Variants in DLG1 observed in about 807,000 individuals in gnomAD.
The protein encoded by DLG1 is discs large MAGUK scaffold protein 1, also known as disks large homolog 1.
In DLG1, 42 loss-of-function variants were observed where a neutral mutation model predicts 123.4. The observed-to-expected ratio is 0.34, with a 90% CI of 0.27 to 0.44. DLG1 has a LOEUF of 0.44. DLG1 is among the 20% of genes least tolerant of loss of function. The pLI, the probability that DLG1 is intolerant of heterozygous loss-of-function variation, is 1.00. For synonymous variants in DLG1, 317 were observed against 356.2 expected, an observed-to-expected ratio of 0.89 and a Z score of 1.24; for missense variants, 942 against 1,082.6, an observed-to-expected ratio of 0.87 and a Z score of 1.82.
chr3:197,247,892 G>C (rs1191510533), intron 4 of DLG1, among the ~76,000 whole-genome samples: 1 of 152,028 alleles, frequency 6.6e-6, no homozygotes, highest in East Asian at 1.9e-4. Context: ...CCACTTACTG[G>C]AGGTCCCTTG....
intron 5 of DLG1, among the ~76,000 whole-genome samples, chr3:197,191,710 C>T (rs1419445499): frequency 6.6e-6 from 1 of 152,136 alleles, no homozygotes; most frequent in Non-Finnish European, 1.5e-5. Flanking sequence ...GGGCTTTACC[C>T]GTGCTGAGGT....
chr3:197,206,226 G>A (rs994090250), intron 4 of DLG1, among the ~76,000 whole-genome samples: 3 of 151,894 alleles, frequency 2.0e-5, no homozygotes, highest in Non-Finnish European at 4.4e-5. Flanking sequence ...TGATTTCTAC[G>A]GATTCTTCTA....
chr3:197,267,097 A>C (rs1761992186), intron 4 of DLG1, among the ~76,000 whole-genome samples: 1 of 152,252 alleles, frequency 6.6e-6, no homozygotes, highest in South Asian at 2.1e-4. Context: ...AGTGGAAAAC[A>C]CAAGAGACTT....
chr3:197,255,749 A>G (rs949328734), intron 4 of DLG1, among the ~76,000 whole-genome samples: 23 of 149,344 alleles, frequency 1.5e-4, no homozygotes, highest in African/African-American at 5.7e-4. Flanking sequence ...TATGACGTTC[A>G]AACCTAATCT....
upstream of DLG1, chr3:197,298,623 C>T: frequency 6.2e-6 from 1 of 160,130 alleles, no homozygotes; most frequent in East Asian, 1.7e-4. Context: ...AGATCCCCAC[C>T]GGGGAAAAGC....
intron 11 of DLG1, among the ~76,000 whole-genome samples, chr3:197,127,951 C>A (rs1156740304): frequency 6.6e-6 from 1 of 152,080 alleles, no homozygotes; most frequent in South Asian, 2.1e-4. Context: ...CAGCCTTCAG[C>A]AAGTTATAAT....
intron 2 of DLG1, chr3:197,296,799 A>T: frequency 2.8e-6 from 1 of 353,090 alleles, no homozygotes. Context: ...ATAATGCAAA[A>T]GCAGATTATC....
intron 4 of DLG1, among the ~76,000 whole-genome samples, chr3:197,216,179 A>G (rs1229964764): frequency 2.6e-5 from 4 of 152,360 alleles, no homozygotes; most frequent in Middle Eastern, 3.4e-3. Context: ...CATATGAATA[A>G]AATTCATTCT....
At chr3:197,055,753 A>AT (rs1373016165) in intron 23 of DLG1, among the ~76,000 whole-genome samples, 1 of 152,064 alleles carries the variant, frequency 6.6e-6, no homozygotes, top group Non-Finnish European at 1.5e-5. Flanking sequence ...TTTTTACTTA[A>AT]TATTTTTTCT....
intron 4 of DLG1, among the ~76,000 whole-genome samples, chr3:197,230,686 G>A (rs1251614341): frequency 1.3e-5 from 2 of 152,200 alleles, no homozygotes; most frequent in East Asian, 3.9e-4. Context: ...AAACATCATG[G>A]TAAATCTATT....
At chr3:197,086,658 T>A (rs1240309042) in intron 15 of DLG1, among the ~76,000 whole-genome samples, 1 of 152,222 alleles carries the variant, frequency 6.6e-6, no homozygotes, top group Non-Finnish European at 1.5e-5. Flanking sequence ...TAGTAGTTAA[T>A]GGTTTTTCAA....
At chr3:197,201,363 G>A (rs561322989) in intron 4 of DLG1, among the ~76,000 whole-genome samples, 17 of 152,296 alleles carry the variant, frequency 1.1e-4, no homozygotes, top group East Asian at 7.7e-4. Context: ...CAGCCTGGGC[G>A]ACAGAGTGAG....
intron 4 of DLG1, among the ~76,000 whole-genome samples, chr3:197,269,838 T>C (rs1440331007): frequency 6.6e-6 from 1 of 152,240 alleles, no homozygotes. Context: ...GTTATTATTT[T>C]AATCCGTTCC....
At chr3:197,080,866 T>C in intron 17 of DLG1, 185 bp downstream of exon 17, 3 of 480,868 alleles carry the variant, frequency 6.2e-6, no homozygotes, top group East Asian at 3.4e-5. Flanking sequence ...TATCAAATGA[T>C]AGTTTTGATA....
chr3:197,191,873 T>C (rs1719783619), intron 5 of DLG1, among the ~76,000 whole-genome samples: 1 of 152,036 alleles, frequency 6.6e-6, no homozygotes, highest in African/African-American at 2.4e-5. Context: ...GATGAGAAAA[T>C]ACAATCCAAA....
intron 24 of DLG1, 125 bp from the exon 25 acceptor site, chr3:197,044,854 TAC>T (rs1255287744): frequency 4.2e-6 from 2 of 477,610 alleles, no homozygotes; most frequent in Non-Finnish European, 3.6e-6. Flanking sequence ...AATCACCATT[TAC>T]ACACTGTTCA....
At chr3:197,090,853 AAAT>A in intron 15 of DLG1, 56 bp downstream of exon 15, 1 of 1,043,356 alleles carries the variant, frequency 9.6e-7, no homozygotes, top group East Asian at 2.4e-5. Flanking sequence ...GAAAAATACA[AAAT>A]AATTTACATG....
chr3:197,290,978 G>A (rs1213393717), intron 3 of DLG1, among the ~76,000 whole-genome samples: 13 of 151,204 alleles, frequency 8.6e-5, no homozygotes, highest in Admixed American at 3.9e-4. Context: ...GTAAAGAGAC[G>A]TGACAACTAA....
chr3:197,152,711 C>T (rs1207592051), intron 5 of DLG1, among the ~76,000 whole-genome samples: 2 of 140,814 alleles, frequency 1.4e-5, no homozygotes, highest in African/African-American at 2.7e-5. Context: ...TGCAGTGAGC[C>T]GAGACAGCAC....
Sources: gnomAD v4.1 joint callset for allele counts (sites outside exome capture counted in the v4.1 genomes callset) on GRCh38, gnomAD v4.1.1 for gene constraint, MANE v1.5 for transcripts, NCBI Gene and HGNC (gene_info 2026-07-23, HGNC 2026-07-21) for gene names.